IL31RA: variants seen among roughly 807,000 people sequenced by gnomAD.
IL31RA encodes interleukin-31 receptor subunit alpha.
A neutral mutation model predicts 83.7 loss-of-function variants in IL31RA; 66 were observed. The ratio of observed to expected loss-of-function variants is 0.79; its 90% CI spans 0.65 to 0.97. IL31RA has a LOEUF of 0.97. Ranked by LOEUF, IL31RA falls within the 50% of genes least tolerant of loss-of-function variation. IL31RA has a pLI of 0.00. For synonymous variants in IL31RA, 325 were observed against 329.0 expected (o/e 0.99, Z 0.13); for missense variants, 798 against 919.4 (o/e 0.87, Z 1.71).
At position 55,872,433 on chromosome 5, in the gene IL31RA, T is replaced by A. The variant is rs774585520; in HGVS notation, c.436T>A (p.Trp146Arg). Residue 146 changes from tryptophan (W) to arginine (R), a missense_variant, in exon 4 of 15, where the codon TGG (tryptophan) becomes AGG (arginine). Trp to Arg is a moderately radical substitution (Grantham distance 101). Coordinates refer to ENST00000652347, the MANE Select transcript of IL31RA (RefSeq NM_139017.7). The part of the protein sequence containing the change: ...DGVIKSHMTY[W>R]RLENIAKTEP... Reference sequence around the variant, plus strand: ...TGTAATTAAATCTCATATGACATACTGGAGATTAGAGAACATAGGTAAGTG... The same window carrying A: ...TGTAATTAAATCTCATATGACATACAGGAGATTAGAGAACATAGGTAAGTG... 1.9e-6 allele frequency: 3 copies of A among 1,602,852 alleles called. No individual in the cohort carries two copies. The South Asian group carries it at 3.3e-5, about 18-fold the overall frequency.
chr5:55,860,202 C>T (rs542793651), intron 2 of IL31RA, among the ~76,000 whole-genome samples: 74 of 152,194 alleles, frequency 4.9e-4, no homozygotes, highest in Admixed American at 2.4e-3. Context: ...AACCCCGTCT[C>T]TACTAAAAAT....
Position 55,896,359 on chromosome 5 carries a change from G to A in IL31RA, c.782G>A (p.Gly261Asp). 1 of 1,612,046 alleles carries A rather than the reference G, an allele frequency of 6.2e-7. No homozygotes were observed. Among genetic ancestry groups the A allele is most frequent in the East Asian group, 2.2e-5 (1 of 44,868 alleles). ...MGMTEEEAPCGLELWRVLKPA... is the reference protein window; with the variant it reads ...MGMTEEEAPCDLELWRVLKPA... ...TTCTTGTTCCTTACAGCTCCATGTG[G>A]CCTGGAACTGTGGAGAGTCCTGAAA... Residue 261 changes from glycine to aspartate, a missense_variant, in exon 7 of 15, where the codon GGC (glycine) becomes GAC (aspartate). Coordinates refer to ENST00000652347, the MANE Select transcript of IL31RA (RefSeq NM_139017.7).
intron 11 of IL31RA, among the ~76,000 whole-genome samples, chr5:55,909,343 T>C (rs992673121): frequency 1.3e-5 from 2 of 152,252 alleles, no homozygotes; most frequent in Admixed American, 6.5e-5. Flanking sequence ...AGGGCTGCTA[T>C]GAACAGATGT....
At chr5:55,843,896 G>A in the IL31RA span, among the ~76,000 whole-genome samples, 544 of 152,160 alleles carry the variant, frequency 3.6e-3, 1 homozygote, top group Non-Finnish European at 6.3e-3. Flanking sequence ...CCTTTTGTTT[G>A]TGTATGTAAA....
Position 55,907,378 on chromosome 5 carries a change from G to A in IL31RA, c.1272G>A (p.Trp424Ter), listed in dbSNP as rs771568255. The stretch of plus-strand genomic sequence containing the variant: ...TCACAGATAAATTAAAACCTTTCTG[G>A]TGCTATAACATCTCTGTGTATCCAA... ...TIQQDKLKPF[W>*]CYNISVYPML... The change falls in exon 10 of 15, where the codon TGG becomes TGA. Residue 424 changes from tryptophan (W) to a stop codon, truncating the protein, a stop_gained. Coordinates refer to ENST00000652347, the MANE Select transcript of IL31RA (RefSeq NM_139017.7). LOFTEE classifies it high-confidence loss of function. 2 of 1,612,510 alleles carry A rather than the reference G, an allele frequency of 1.2e-6. No homozygotes were observed. The highest frequency in any genetic ancestry group is 1.7e-6 in the Non-Finnish European group (2 of 1,178,620).
chr5:55,841,191 A>T, the IL31RA span, among the ~76,000 whole-genome samples: 1 of 152,302 alleles, frequency 6.6e-6, no homozygotes, highest in East Asian at 1.9e-4. Context: ...GAAACAATCA[A>T]TGTGCTATAT....
At position 55,920,653 on chromosome 5, in the gene IL31RA, A is replaced by G. The variant is rs552694442; in HGVS notation, c.*3533A>G. 2.0e-5 allele frequency among the ~76,000 whole-genome samples: 3 copies of G among 152,346 alleles called. No homozygotes were observed. Among genetic ancestry groups the G allele is most frequent in the South Asian group, 4.1e-4 (2 of 4,832 alleles). On this transcript the variant is annotated 3_prime_UTR_variant, in exon 15 of 15. Transcript: ENST00000652347. Reference sequence around the variant, plus strand: ...TGTGGACGCCTACCATAACCCACAGACATGAAACTCAGACTGCCACTATGT... The same window carrying G: ...TGTGGACGCCTACCATAACCCACAGGCATGAAACTCAGACTGCCACTATGT...
intron 13 of IL31RA, among the ~76,000 whole-genome samples, chr5:55,914,076 C>T (rs1273198598): frequency 3.3e-4 from 50 of 152,188 alleles, no homozygotes; most frequent in Admixed American, 3.3e-3. Flanking sequence ...CCTGCTTGCC[C>T]TGGCCACTGT....
chr5:55,870,848 C>T (rs1746463248), intron 3 of IL31RA, among the ~76,000 whole-genome samples: 1 of 152,146 alleles, frequency 6.6e-6, no homozygotes, highest in South Asian at 2.1e-4. Flanking sequence ...AAGAATTTTT[C>T]CTGGGGAGTT....
At chr5:55,890,731 G>A (rs1747935357) in intron 6 of IL31RA, among the ~76,000 whole-genome samples, 1 of 152,166 alleles carries the variant, frequency 6.6e-6, no homozygotes, top group African/African-American at 2.4e-5. Flanking sequence ...GAATCCTGGA[G>A]CTACTACTCA....
chr5:55,889,927 C>T lies in IL31RA; in HGVS notation c.607-43C>T, dbSNP rs758556375. On this transcript the variant is annotated intron_variant, in intron 5 of 14. Transcript: ENST00000652347. The stretch of plus-strand genomic sequence containing the variant: ...AGTGAAGAGGAAAATGGGAGGATAA[C>T]GTGTGGTCTCCATTTCAGTTTAGGA... 44 of 1,581,730 alleles carry T rather than the reference C, an allele frequency of 2.8e-5. No individual in the cohort carries two copies. The African/African-American group carries it at 2.8e-4, about 10-fold the overall frequency.
intron 1 of IL31RA, among the ~76,000 whole-genome samples, chr5:55,857,910 AGTTT>A (rs1175786605): frequency 3.9e-5 from 6 of 152,176 alleles, no homozygotes; most frequent in Non-Finnish European, 8.8e-5. Context: ...TGAGGTCACC[AGTTT>A]GTTTGTGAGA....
upstream of IL31RA, among the ~76,000 whole-genome samples, chr5:55,849,674 T>C (rs1009887624): frequency 5.3e-5 from 8 of 152,196 alleles, no homozygotes; most frequent in Non-Finnish European, 8.8e-5. Flanking sequence ...TATTTTTTCA[T>C]TGGAAATATC....
Position 55,900,192 on chromosome 5 carries a change from G to A in IL31RA, c.1069+60G>A, listed in dbSNP as rs1227147201. On this transcript the variant is annotated intron_variant, in intron 8 of 14. Transcript: ENST00000652347. The stretch of plus-strand genomic sequence containing the variant: ...GGTCCCATCAATTGGCCAAGGAGCA[G>A]TCCCTGTGCTCTCAAGGGTGGCTGT... 3 of 1,220,618 alleles carry A rather than the reference G, an allele frequency of 2.5e-6. No homozygotes were observed. In the African/African-American group the frequency reaches 4.5e-5, roughly 18 times the overall value. 75.6% of individuals were successfully genotyped at this position (1,220,618 alleles called of 1,614,324 possible).
At chr5:55,864,321 T>C (rs1434836038) in intron 2 of IL31RA, among the ~76,000 whole-genome samples, 1 of 140,896 alleles carries the variant, frequency 7.1e-6, no homozygotes, top group Non-Finnish European at 1.5e-5. Context: ...ACCACACATA[T>C]ACATCACACA....
intron 4 of IL31RA, among the ~76,000 whole-genome samples, chr5:55,875,252 G>A (rs760652231): frequency 6.6e-5 from 10 of 151,862 alleles, no homozygotes; most frequent in Non-Finnish European, 1.2e-4. Context: ...TTTATATGTC[G>A]CTGAATTTGG....
At chr5:55,867,271 GTGTGTGCA>G (rs1326462471) in intron 2 of IL31RA, among the ~76,000 whole-genome samples, 1 of 109,016 alleles carries the variant, frequency 9.2e-6, no homozygotes, top group Non-Finnish European at 1.8e-5. Context: ...TTGTGTGCGT[GTGTGTGCA>G]TGTGTGTGTG....
In IL31RA at chr5:55,906,291, A is replaced by G. The variant is rs1320620982; in HGVS notation, c.1252+3A>G. The G allele has an allele frequency of 6.2e-6, 10 of 1,613,818 alleles. No homozygotes were observed. The highest frequency in any genetic ancestry group is 8.5e-6 in the Non-Finnish European group (10 of 1,179,986). On this transcript the variant is annotated splice_donor_region_variant and intron_variant, in intron 9 of 14. Coordinates refer to ENST00000652347, the MANE Select transcript of IL31RA (RefSeq NM_139017.7). ...CACGAACTGGACGATCCAGCAAGGTAGCCAGGGCGGAACTCACAGGTTCCC... is the reference window on the plus strand; with the variant it reads ...CACGAACTGGACGATCCAGCAAGGTGGCCAGGGCGGAACTCACAGGTTCCC...
chr5:55,871,225 C>T (rs909380396), intron 3 of IL31RA, among the ~76,000 whole-genome samples: 4 of 152,232 alleles, frequency 2.6e-5, no homozygotes, highest in South Asian at 2.1e-4. Context: ...CTTATAACCA[C>T]GACACATTGC....
Sources: gnomAD v4.1 joint callset for allele counts (sites outside exome capture counted in the v4.1 genomes callset) on GRCh38, gnomAD v4.1.1 for gene constraint, MANE v1.5 for transcripts, NCBI Gene and HGNC (gene_info 2026-07-23, HGNC 2026-07-21) for gene names.